The following ACAD10 variants were observed in gnomAD, a reference collection of about 807,000 sequenced individuals.
ACAD10 encodes acyl-CoA dehydrogenase family member 10.
In ACAD10, 112 loss-of-function variants were observed where a neutral mutation model predicts 116.8. The observed-to-expected ratio is 0.96, with a 90% confidence interval of 0.82 to 1.12. The LOEUF (loss-of-function observed/expected upper bound fraction) is 1.12, where lower values mean the gene tolerates loss of function less well. Ranked by LOEUF, ACAD10 falls within the 50% of genes most tolerant of loss-of-function variation. The pLI is 0.00. For missense variants in ACAD10, 1,259 were observed against 1,350.2 expected (o/e 0.93, Z 1.06); for synonymous variants, 486 against 510.6 (o/e 0.95, Z 0.65).
chr12:111,737,395 C>T (rs548983878), intron 12 of ACAD10, among the ~76,000 whole-genome samples: 47 of 152,236 alleles, frequency 3.1e-4, no homozygotes, highest in African/African-American at 1.1e-3. Context: ...CCATGTTGGC[C>T]AAGCTGGTCT....
intron 1 of ACAD10, among the ~76,000 whole-genome samples, chr12:111,689,018 C>T (rs1887963295): frequency 6.6e-6 from 1 of 151,766 alleles, no homozygotes; most frequent in Non-Finnish European, 1.5e-5. Flanking sequence ...TGGTGAAATC[C>T]TGTCTCCAGT....
At chr12:111,718,328 C>T (rs1011587780) in intron 7 of ACAD10, among the ~76,000 whole-genome samples, 2 of 151,608 alleles carry the variant, frequency 1.3e-5, no homozygotes, top group African/African-American at 2.4e-5. Context: ...GGATTACAGG[C>T]GTGAGCCACT....
intron 1 of ACAD10, among the ~76,000 whole-genome samples, chr12:111,691,660 A>G (rs961078096): frequency 2.6e-5 from 4 of 151,016 alleles, no homozygotes; most frequent in East Asian, 3.9e-4. Context: ...CAGTGGCACA[A>G]TCTTGGCTCA....
intron 10 of ACAD10, 58 bp downstream of exon 10, chr12:111,730,014 T>C: frequency 6.4e-7 from 1 of 1,571,346 alleles, no homozygotes; most frequent in South Asian, 1.2e-5. Flanking sequence ...CAAGGGGGAA[T>C]TGAGCAATTG....
At chr12:111,735,599 G>A (rs1034196390) in intron 11 of ACAD10, among the ~76,000 whole-genome samples, 2 of 151,736 alleles carry the variant, frequency 1.3e-5, no homozygotes, top group African/African-American at 2.4e-5. Flanking sequence ...GGGACTACAG[G>A]CACCCACCAC....
rs532624949 is a variant in ACAD10, at chr12:111,756,440, G to C, written c.3147G>C (p.Thr1049=). ...GCCCTGACGAGGTGCACCGGGCCAC[G>C]GTGGCCAAGCTAGAGCTGAAGCACC... The part of the protein sequence containing the change: ...ADGPDEVHRA[T]VAKLELKHRI Residue 1049 remains threonine (T), a synonymous_variant, in exon 21 of 21, where the codon ACG becomes ACC. Transcript: ENST00000313698. 1 of 1,612,716 alleles carries C rather than the reference G, an allele frequency of 6.2e-7. No homozygotes were observed. The highest frequency in any genetic ancestry group is 8.5e-7 in the Non-Finnish European group (1 of 1,179,850).
At chr12:111,705,979 C>G (rs772587550) in intron 4 of ACAD10, 47 bp downstream of exon 4, 2 of 1,582,222 alleles carry the variant, frequency 1.3e-6, no homozygotes, top group African/African-American at 2.7e-5. Flanking sequence ...TCTGTGCCCT[C>G]GCTTCAGGGT....
chr12:111,726,509 T>C (rs1889216857), intron 8 of ACAD10, among the ~76,000 whole-genome samples: 2 of 152,186 alleles, frequency 1.3e-5, no homozygotes, highest in South Asian at 4.1e-4. Context: ...ACAAATACCC[T>C]GGAAGCTCCC....
At chr12:111,704,114 C>T (rs1350190607) in intron 3 of ACAD10, among the ~76,000 whole-genome samples, 9 of 150,926 alleles carry the variant, frequency 6.0e-5, no homozygotes, top group Non-Finnish European at 1.0e-4. Context: ...TGAGGAGTGA[C>T]TGTTAATGGG....
At chr12:111,694,805 C>T (rs1289794377) in intron 2 of ACAD10, among the ~76,000 whole-genome samples, 1 of 152,168 alleles carries the variant, frequency 6.6e-6, no homozygotes. Flanking sequence ...GTGGGCAGAT[C>T]GCTTGAGCAC....
At chr12:111,703,033 A>G (rs1011807739) in intron 3 of ACAD10, among the ~76,000 whole-genome samples, 2 of 151,090 alleles carry the variant, frequency 1.3e-5, no homozygotes, top group African/African-American at 2.4e-5. Flanking sequence ...TCAGTGAACC[A>G]TGACCGTGCC....
chr12:111,744,645 C>T lies in ACAD10; in HGVS notation c.1717C>T (p.Gln573Ter). ...TGTTTTTCTTTGATTCTGCTTAGGG[C>T]AAGCAAGCTCCACATATGCGGAACA... ...QGVYKRSLTG[Q>*]ASSTYAEQTG... Residue 573 changes from glutamine to a stop codon, truncating the protein, a stop_gained and splice_region_variant, in exon 13 of 21, where the codon CAA (glutamine) becomes TAA (stop). Coordinates refer to ENST00000313698, the MANE Select transcript of ACAD10 (RefSeq NM_025247.6). LOFTEE classifies it high-confidence loss of function. 6.2e-7 allele frequency: 1 copy of T among 1,611,326 alleles called. No individual in the cohort carries two copies. The highest frequency in any genetic ancestry group is 8.5e-7 in the Non-Finnish European group (1 of 1,178,362).
intron 12 of ACAD10, among the ~76,000 whole-genome samples, chr12:111,743,309 G>C (rs1174408914): frequency 2.6e-5 from 4 of 152,088 alleles, no homozygotes; most frequent in Non-Finnish European, 5.9e-5. Context: ...TGGGGATCAG[G>C]GGGGCAGGGG....
At chr12:111,735,223 C>CA (rs756141944) in intron 11 of ACAD10, among the ~76,000 whole-genome samples, 303 of 97,024 alleles carry the variant, frequency 3.1e-3, no homozygotes, top group Middle Eastern at 0.025. Context: ...GACTCCATCT[C>CA]AAAAAAAAAA....
At chr12:111,693,629 T>C (rs540899778) in intron 2 of ACAD10, among the ~76,000 whole-genome samples, 61 of 152,212 alleles carry the variant, frequency 4.0e-4, no homozygotes, top group Admixed American at 3.3e-4. Context: ...AATTCCCCTT[T>C]TGATTACAGC....
chr12:111,753,778 TCCCGCTTGGCTTTTGGGAAGC>T lies in ACAD10; in HGVS notation c.2828_2848del (p.Arg943_Pro949del). ...ACATCTCCTGTGTCGACAGGTGAAG[TCCCGCTTGGCTTTTGGGAAGC>T]CCCTGGTGGAGCAGGGCACAGTGCT... On this transcript the variant is annotated inframe_deletion, in exon 19 of 21. Coordinates refer to ENST00000313698, the MANE Select transcript of ACAD10 (RefSeq NM_025247.6). The T allele has an allele frequency of 6.2e-7, 1 of 1,613,914 alleles. No individual in the cohort carries two copies. Among genetic ancestry groups the T allele is most frequent in the Non-Finnish European group, 8.5e-7 (1 of 1,180,014 alleles).
intron 7 of ACAD10, among the ~76,000 whole-genome samples, chr12:111,719,884 C>A (rs1056567051): frequency 6.6e-6 from 1 of 151,988 alleles, no homozygotes; most frequent in African/African-American, 2.4e-5. Context: ...CCCACCACCA[C>A]TCCTGGCTAA....
Position 111,747,203 on chromosome 12 carries a change from G to C in ACAD10, c.2394+17G>C, listed in dbSNP as rs1401619131. ...GAGCCCCAGGTACGTCGCCTGGGCT[G>C]CCACCCACTTGCCTGGCCCTGTTGT... is the stretch of plus-strand genomic sequence containing the variant. On this transcript the variant is annotated intron_variant, in intron 15 of 20. Coordinates refer to ENST00000313698, the MANE Select transcript of ACAD10 (RefSeq NM_025247.6). 3 of 1,607,672 alleles carry C rather than the reference G, an allele frequency of 1.9e-6. No individual in the cohort carries two copies. The highest frequency in any genetic ancestry group is 8.5e-7 in the Non-Finnish European group (1 of 1,174,920).
At chr12:111,734,132 C>G (rs144784173) in intron 11 of ACAD10, 64 bp downstream of exon 11, 8 of 1,608,292 alleles carry the variant, frequency 5.0e-6, no homozygotes, top group Middle Eastern at 1.7e-4. Context: ...TGGGAGCAAA[C>G]TCAGCTGAAG....
Sources: gnomAD v4.1 joint callset for allele counts (sites outside exome capture counted in the v4.1 genomes callset) on GRCh38, gnomAD v4.1.1 for gene constraint, MANE v1.5 for transcripts, NCBI Gene and HGNC (gene_info 2026-07-23, HGNC 2026-07-21) for gene names.